Variants in RGS6 observed in about 807,000 individuals in gnomAD.
RGS6 encodes the protein regulator of G protein signaling 6.
RGS6 carries 30 observed loss-of-function variants against 78.5 expected under a neutral mutation model. The ratio of observed to expected loss-of-function variants is 0.38; its 90% confidence interval spans 0.29 to 0.52. The LOEUF is 0.52. Ranked by LOEUF, RGS6 falls within the 20% of genes least tolerant of loss-of-function variation. The probability of loss-of-function intolerance (pLI) is 0.85; values close to 1 mark genes in which losing one functional copy is unlikely to be tolerated. For missense variants in RGS6, 495 were observed against 609.7 expected, an observed-to-expected ratio of 0.81 and a Z score of 1.98; for synonymous variants, 206 against 206.0, an observed-to-expected ratio of 1.00 and a Z score of 0.00.
chr14:72,620,077 G>A, the RGS6 span: 75 of 1,330,668 alleles, frequency 5.6e-5, no homozygotes, highest in East Asian at 1.3e-3. Flanking sequence ...TTATTTCCAC[G>A]TCGGTCTCAC....
intron 15 of RGS6, among the ~76,000 whole-genome samples, chr14:72,532,196 T>A (rs2097190909): frequency 6.6e-6 from 1 of 152,260 alleles, no homozygotes. Flanking sequence ...GTTTGGTAAT[T>A]CTTGCAACAT....
rs571188165 is a variant in RGS6 at position 72,468,504 on chromosome 14, A to G, written c.460-1503A>G. Among the ~76,000 whole-genome samples the G allele has an allele frequency of 1.8e-3, 281 of 152,352 alleles. 1 individual carries two copies. Among genetic ancestry groups the G allele is most frequent in the Non-Finnish European group, 3.5e-3 (236 of 68,032 alleles). On this transcript the variant is annotated intron_variant, in intron 7 of 17. Transcript: ENST00000553525. Reference sequence around the variant, plus strand: ...ATTTTTTTATGAATTTTCTGATTACATATTCTTTTTACAAAAACAAAAATT... The same window carrying G: ...ATTTTTTTATGAATTTTCTGATTACGTATTCTTTTTACAAAAACAAAAATT...
intron 15 of RGS6, among the ~76,000 whole-genome samples, chr14:72,528,567 C>G (rs961927390): frequency 6.6e-6 from 1 of 152,136 alleles, no homozygotes; most frequent in Non-Finnish European, 1.5e-5. Flanking sequence ...TGGGAGTGAC[C>G]TCTGGTAGTT....
chr14:72,599,667 G>A, the RGS6 span, among the ~76,000 whole-genome samples: 2 of 145,524 alleles, frequency 1.4e-5, no homozygotes, highest in African/African-American at 2.6e-5. Context: ...CTCATGATCC[G>A]CCCATCTCAG....
intron 2 of RGS6, among the ~76,000 whole-genome samples, chr14:72,148,277 G>A (rs1242254576): frequency 6.6e-6 from 1 of 151,980 alleles, no homozygotes; most frequent in Non-Finnish European, 1.5e-5. Flanking sequence ...CAAACCTGTA[G>A]TCTCAGCTAC....
the RGS6 span, among the ~76,000 whole-genome samples, chr14:72,577,970 T>C: frequency 6.6e-6 from 1 of 152,194 alleles, no homozygotes; most frequent in Non-Finnish European, 1.5e-5. Flanking sequence ...GCTGCATGAG[T>C]GGCTGGGGAA....
chr14:72,451,364 A>G (rs1215526971), intron 3 of RGS6, among the ~76,000 whole-genome samples: 3 of 152,190 alleles, frequency 2.0e-5, no homozygotes, highest in Non-Finnish European at 4.4e-5. Context: ...AAGTGCTTAA[A>G]TGTGATTCTT....
the RGS6 span, among the ~76,000 whole-genome samples, chr14:72,608,117 C>A: frequency 1.3e-5 from 2 of 152,176 alleles, no homozygotes; most frequent in Non-Finnish European, 2.9e-5. Flanking sequence ...TCCCCCTTGA[C>A]CCCGTTCATC....
intron 2 of RGS6, among the ~76,000 whole-genome samples, chr14:72,261,572 A>T (rs1240645580): frequency 6.6e-6 from 1 of 152,208 alleles, no homozygotes; most frequent in Non-Finnish European, 1.5e-5. Context: ...CACTGGAACA[A>T]GTCAAAGATA....
At chr14:72,404,709 C>A (rs1179740904) in intron 3 of RGS6, among the ~76,000 whole-genome samples, 1 of 152,198 alleles carries the variant, frequency 6.6e-6, no homozygotes, top group Non-Finnish European at 1.5e-5. Flanking sequence ...CTAGCATTGG[C>A]CAGAATGAAG....
chr14:72,353,628 A>G (rs1336187623), intron 3 of RGS6, among the ~76,000 whole-genome samples: 1 of 152,184 alleles, frequency 6.6e-6, no homozygotes, highest in East Asian at 1.9e-4. Flanking sequence ...GATGATGAAC[A>G]GATGAACAGT....
rs532934193 is a variant in RGS6 at position 72,378,091 on chromosome 14, A to G, written c.184+25897A>G. Among the ~76,000 whole-genome samples the G allele has an allele frequency of 8.1e-4, 123 of 152,360 alleles. 3 individuals are homozygous for G. The highest frequency in any genetic ancestry group is 2.8e-3 in the African/African-American group (118 of 41,594). The stretch of plus-strand genomic sequence containing the variant: ...GAAACTATACAAATACACAAAAAGT[A>G]ACCTGCTCCTGAGTGACCAGTGAGT... On this transcript the variant is annotated intron_variant, in intron 3 of 17. Transcript: ENST00000553525.
chr14:72,226,621 A>C, intron 2 of RGS6, among the ~76,000 whole-genome samples: 1 of 152,220 alleles, frequency 6.6e-6, no homozygotes, highest in Admixed American at 6.5e-5. Context: ...GATAAATAGA[A>C]CCATGAATCC....
At chr14:71,917,063 T>C in the RGS6 span, among the ~76,000 whole-genome samples, 1 of 152,172 alleles carries the variant, frequency 6.6e-6, no homozygotes, top group Non-Finnish European at 1.5e-5. Flanking sequence ...CCACAGGTCA[T>C]CACTTTGGGA....
At chr14:72,009,534 G>A (rs554361549) in intron 2 of RGS6, among the ~76,000 whole-genome samples, 4 of 152,292 alleles carry the variant, frequency 2.6e-5, no homozygotes, top group Admixed American at 1.3e-4. Context: ...GAGAAAAGGT[G>A]CTGATTTTGC....
intron 3 of RGS6, among the ~76,000 whole-genome samples, chr14:72,446,345 G>A (rs1270553622): frequency 1.3e-5 from 2 of 152,216 alleles, no homozygotes; most frequent in Non-Finnish European, 1.5e-5. Context: ...AACAGACATC[G>A]ATCAAATAAT....
At chr14:72,538,881 C>T (rs967530741) in intron 16 of RGS6, among the ~76,000 whole-genome samples, 2 of 152,266 alleles carry the variant, frequency 1.3e-5, no homozygotes, top group Non-Finnish European at 2.9e-5. Flanking sequence ...TTCATCCACA[C>T]AGGCGGCTGC....
rs548920145 is a variant in RGS6, at chr14:72,333,187, A to T, written c.85-18908A>T. On this transcript the variant is annotated intron_variant, in intron 2 of 17. Coordinates refer to ENST00000553525, the MANE Select transcript of RGS6 (RefSeq NM_001204424.2). ...CTTGGGAATGGGAGATGCTTGGAGG[A>T]TGCACAGTAATTGAAATGCTATTCC... 5.9e-5 allele frequency among the ~76,000 whole-genome samples: 9 copies of T among 152,314 alleles called. No individual in the cohort carries two copies. The South Asian group carries it at 1.9e-3, about 32-fold the overall frequency.
At chr14:71,987,414 C>T (rs1388316685) in intron 2 of RGS6, among the ~76,000 whole-genome samples, 4 of 152,066 alleles carry the variant, frequency 2.6e-5, no homozygotes, top group Admixed American at 1.3e-4. Context: ...CCCATGCCAT[C>T]GAGGAGAAGT....
Sources: gnomAD v4.1 joint callset for allele counts (sites outside exome capture counted in the v4.1 genomes callset) on GRCh38, gnomAD v4.1.1 for gene constraint, MANE v1.5 for transcripts, NCBI Gene and HGNC (gene_info 2026-07-23, HGNC 2026-07-21) for gene names.